PHEX: variants seen among roughly 807,000 people sequenced by gnomAD.
PHEX encodes phosphate regulating endopeptidase X-linked.
In PHEX, 16 loss-of-function variants were observed where a neutral mutation model predicts 68.0. That is an observed-to-expected ratio of 0.24 (90% CI 0.16 to 0.36). The LOEUF (loss-of-function observed/expected upper bound fraction) is 0.36, where lower values mean the gene tolerates loss of function less well. PHEX is among the 10% of genes least tolerant of loss of function. The pLI is 1.00. For missense variants in PHEX, 480 were observed against 575.5 expected, an observed-to-expected ratio of 0.83 and a Z score of 1.70; for synonymous variants, 208 against 205.1, an observed-to-expected ratio of 1.01 and a Z score of -0.12.
chrX:22,137,745 T>G (rs1468204271), intron 12 of PHEX, among the ~76,000 whole-genome samples: 1 of 111,728 alleles, frequency 9.0e-6, no homozygotes, highest in Admixed American at 9.5e-5. Flanking sequence ...TACCTGGTGA[T>G]TCTGCTGCGT....
intron 2 of PHEX, among the ~76,000 whole-genome samples, chrX:22,039,129 C>T (rs1296877919): frequency 1.8e-5 from 2 of 111,805 alleles, no homozygotes; most frequent in Non-Finnish European, 3.8e-5. Context: ...CCACCACGCC[C>T]GGCTGATTTT....
At chrX:22,239,453 A>G (rs1452466432) in intron 20 of PHEX, among the ~76,000 whole-genome samples, 1 of 111,246 alleles carries the variant, frequency 9.0e-6, no homozygotes, top group Non-Finnish European at 1.9e-5. Context: ...GAGGTAAAGG[A>G]GCATGTTCTA....
At chrX:22,099,201 T>C in intron 9 of PHEX, 50 bp downstream of exon 9, 1 of 1,049,916 alleles carries the variant, frequency 9.5e-7, no homozygotes, top group Non-Finnish European at 1.3e-6. Flanking sequence ...TTTCTTTAAA[T>C]TATAAGGGCT....
intron 17 of PHEX, among the ~76,000 whole-genome samples, chrX:22,220,368 C>A (rs961229348): frequency 1.8e-5 from 2 of 111,173 alleles, no homozygotes; most frequent in Admixed American, 9.6e-5. Flanking sequence ...TTTTTTGCTC[C>A]CCTGGTCTTC....
intron 20 of PHEX, among the ~76,000 whole-genome samples, chrX:22,237,390 T>G (rs1308304328): frequency 9.0e-6 from 1 of 111,581 alleles, no homozygotes; most frequent in Non-Finnish European, 1.9e-5. Context: ...TCATATCACC[T>G]TTCCTGCTTT....
chrX:22,186,519 A>T (rs1026081346), intron 14 of PHEX, among the ~76,000 whole-genome samples: 10 of 112,697 alleles, frequency 8.9e-5, no homozygotes, highest in African/African-American at 3.2e-4. Flanking sequence ...ATAAACTTGG[A>T]TGTAATACGG....
At chrX:22,077,435 T>C (rs1331764327) in intron 4 of PHEX, 41 bp from the exon 5 acceptor site, 3 of 1,080,144 alleles carry the variant, frequency 2.8e-6, no homozygotes, top group Non-Finnish European at 3.9e-6. Flanking sequence ...GCTGATCCAG[T>C]TTGCAATTCT....
chrX:22,048,806 T>C (rs1927673638), intron 3 of PHEX, among the ~76,000 whole-genome samples: 1 of 111,814 alleles, frequency 8.9e-6, no homozygotes, highest in South Asian at 3.7e-4. Context: ...TCAAAAATTT[T>C]ATTTCTCAGC....
intron 11 of PHEX, among the ~76,000 whole-genome samples, chrX:22,118,470 A>G (rs1931341665): frequency 9.0e-6 from 1 of 110,590 alleles, no homozygotes; most frequent in Non-Finnish European, 1.9e-5. Context: ...TAATTTTCAG[A>G]TCATTGAAAA....
intron 20 of PHEX, 39 bp from the exon 21 acceptor site, chrX:22,245,294 G>T (rs772231601): frequency 1.0e-5 from 11 of 1,066,804 alleles, no homozygotes; most frequent in East Asian, 6.0e-5. Context: ...TACATAATTG[G>T]AATGAAAGCT....
chrX:22,122,748 G>T (rs1602314066), intron 11 of PHEX, among the ~76,000 whole-genome samples: 1 of 111,089 alleles, frequency 9.0e-6, no homozygotes, highest in Admixed American at 9.6e-5. Context: ...ATCAAGGTTG[G>T]CTTTGGCAGA....
At chrX:22,237,904 C>T (rs1245804464) in intron 20 of PHEX, among the ~76,000 whole-genome samples, 1 of 112,807 alleles carries the variant, frequency 8.9e-6, no homozygotes, top group African/African-American at 3.2e-5. Context: ...AGTTATGCTG[C>T]AGAAACAACA....
chrX:22,097,621 A>T (rs1406503771), intron 8 of PHEX: 3 of 276,191 alleles, frequency 1.1e-5, no homozygotes, highest in Non-Finnish European at 9.8e-6. Context: ...GCAAGTGAGT[A>T]ACTGGTTTTC....
At chrX:22,175,075 G>C (rs1933655798) in intron 13 of PHEX, among the ~76,000 whole-genome samples, 1 of 111,503 alleles carries the variant, frequency 9.0e-6, no homozygotes, top group Non-Finnish European at 1.9e-5. Context: ...CACTTAACCT[G>C]TCTCAAGGAA....
intron 6 of PHEX, among the ~76,000 whole-genome samples, 185 bp from the exon 7 acceptor site, chrX:22,093,797 AC>A (rs1930007653): frequency 9.0e-6 from 1 of 111,580 alleles, no homozygotes; most frequent in Non-Finnish European, 1.9e-5. Flanking sequence ...AGTAGCCGTC[AC>A]TCTTTTTTTC....
rs1246340324 is a variant in PHEX at position 22,055,204 on chromosome X, A to C, written c.349+7993A>C. ...AAAAAAAAAAAAAAAAAAAAAAAAA[A>C]AAAAAAAAAAACAGACCTAGTGCTA... On this transcript the variant is annotated intron_variant, in intron 3 of 21. Transcript: ENST00000379374. Among the ~76,000 whole-genome samples, 433 of 58,356 alleles carry C rather than the reference A, an allele frequency of 7.4e-3. 8 individuals are homozygous for C. Among genetic ancestry groups the C allele is most frequent in the African/African-American group, 0.029 (408 of 13,851 alleles). The allele number at this position is 58,356 out of a possible 115,157, so 50.7% of individuals were successfully genotyped here. A position where few individuals can be genotyped will look rare whatever the true frequency, so the allele number is the denominator to read the frequency against.
At chrX:22,098,111 T>TA (rs199998148) in intron 8 of PHEX, 165 of 107,342 alleles carry the variant, frequency 1.5e-3, no homozygotes, top group African/African-American at 3.3e-3. Flanking sequence ...TTTTTTTTTT[T>TA]TAAAAACTGT....
intron 3 of PHEX, among the ~76,000 whole-genome samples, chrX:22,070,265 T>G (rs1336261794): frequency 1.8e-5 from 2 of 112,003 alleles, no homozygotes; most frequent in African/African-American, 6.5e-5. Flanking sequence ...GTTTTAATTT[T>G]TCATGTTCTT....
chrX:22,079,672 T>C (rs996310241), intron 5 of PHEX, among the ~76,000 whole-genome samples: 1 of 111,523 alleles, frequency 9.0e-6, no homozygotes, highest in Admixed American at 9.6e-5. Flanking sequence ...GATATGTCTG[T>C]TTTACTCCAC....
Sources: allele counts gnomAD v4.1 joint callset (sites outside exome capture counted in the v4.1 genomes callset), GRCh38; gene constraint gnomAD v4.1.1; transcripts MANE v1.5; gene names NCBI Gene and HGNC (gene_info 2026-07-23, HGNC 2026-07-21).